Variants in CFAP97D2 observed in about 807,000 individuals in gnomAD.
CFAP97D2 encodes the protein uncharacterized protein CFAP97D2.
Position 114,211,709 on chromosome 13 carries a change from G to A in CFAP97D2, c.291-203G>A, listed in dbSNP as rs1301244918. Among the ~76,000 whole-genome samples, 1 of 152,228 alleles carries A rather than the reference G, an allele frequency of 6.6e-6. No homozygotes were observed. The highest frequency in any genetic ancestry group is 1.5e-5 in the Non-Finnish European group (1 of 68,040). On this transcript the variant is annotated intron_variant, in intron 3 of 4. Coordinates refer to ENST00000646158, the Ensembl canonical transcript of CFAP97D2. This position sits in a 1 kb window ranked among gnomAD's most constrained non-coding sequence, Gnocchi z 4.2. ...CGTGCAAAGCGAGCGCGCCGGGGCT[G>A]AGTGTGCCCTTCGCTCCTCTCTGAG...
intron 4 of CFAP97D2, among the ~76,000 whole-genome samples, chr13:114,216,871 C>A (rs1205587307): frequency 6.6e-6 from 1 of 152,232 alleles, no homozygotes; most frequent in East Asian, 1.9e-4. Context: ...GCCACACTGT[C>A]TTCCACAATG....
chr13:114,180,130 G>A (rs1047073806), intron 1 of CFAP97D2, among the ~76,000 whole-genome samples: 2 of 152,248 alleles, frequency 1.3e-5, no homozygotes, highest in African/African-American at 4.8e-5. Context: ...CACCTCAGTG[G>A]AGGCGTCAGA....
intron 2 of CFAP97D2, among the ~76,000 whole-genome samples, chr13:114,199,278 G>C (rs1393612960): frequency 7.9e-5 from 1 of 12,628 alleles, no homozygotes; most frequent in Non-Finnish European, 1.2e-4. Context: ...CTTCCCCGTG[G>C]GTACGGTCCC....
At chr13:114,181,367 T>C (rs1450125171) in intron 1 of CFAP97D2, among the ~76,000 whole-genome samples, 1 of 151,810 alleles carries the variant, frequency 6.6e-6, no homozygotes, top group Non-Finnish European at 1.5e-5. Context: ...CTGAGGGGCG[T>C]GAGGGTAGGA....
rs2080862383 is a variant in CFAP97D2, at chr13:114,189,615, T to C, written c.91-6781T>C. On this transcript the variant is annotated intron_variant, in intron 1 of 4. Transcript: ENST00000646158. The surrounding 1 kb of genome is among the most constrained non-coding windows in gnomAD (Gnocchi z 4.5). ...TTCGATTAAAAGTGTATAAAAAGTA[T>C]TATATGCCATGACCAAGTGGGATTC... Among the ~76,000 whole-genome samples the C allele has an allele frequency of 6.6e-6, 1 of 152,160 alleles. No homozygotes were observed. Among genetic ancestry groups the C allele is most frequent in the African/African-American group, 2.4e-5 (1 of 41,430 alleles).
At chr13:114,206,093 T>G (rs2080938782) in intron 3 of CFAP97D2, among the ~76,000 whole-genome samples, 1 of 149,954 alleles carries the variant, frequency 6.7e-6, no homozygotes, top group Non-Finnish European at 1.5e-5. Flanking sequence ...ACAGTAGCTT[T>G]TTTTCTTTTC....
At chr13:114,193,015 T>C (rs970077382) in intron 1 of CFAP97D2, among the ~76,000 whole-genome samples, 2 of 152,220 alleles carry the variant, frequency 1.3e-5, no homozygotes, top group Non-Finnish European at 2.9e-5. Flanking sequence ...TCTTAATTAA[T>C]AGAAAAACAC....
chr13:114,182,626 GC>G (rs534343881), intron 1 of CFAP97D2, among the ~76,000 whole-genome samples: 2,328 of 152,290 alleles, frequency 0.015, 33 homozygotes, highest in Non-Finnish European at 0.024. Context: ...AGTGCATTGT[GC>G]CCCTGGTTTA....
At chr13:114,190,409 T>G (rs202221014) in intron 1 of CFAP97D2, among the ~76,000 whole-genome samples, 2 of 37,152 alleles carry the variant, frequency 5.4e-5, no homozygotes, top group Non-Finnish European at 1.0e-4. Context: ...TACCAAATAA[T>G]CAATAAAAAG....
rs190430631 is a variant in CFAP97D2, at chr13:114,212,152, C to T, written c.480+51C>T. 5.8e-4 allele frequency: 230 copies of T among 398,276 alleles called. No homozygotes were observed. In the Middle Eastern group the frequency reaches 6.3e-3, roughly 11 times the overall value. 24.7% of individuals were successfully genotyped at this position (398,276 alleles called of 1,614,324 possible). On this transcript the variant is annotated intron_variant, in intron 4 of 4. Transcript: ENST00000646158. Reference sequence around the variant, plus strand: ...AAATCCATAGCTATTTGAAATTTCCCGTTTTACTTCATCAGATTCATCAGA... The same window carrying T: ...AAATCCATAGCTATTTGAAATTTCCTGTTTTACTTCATCAGATTCATCAGA...
intron 4 of CFAP97D2, among the ~76,000 whole-genome samples, chr13:114,213,404 A>G (rs1429200317): frequency 3.7e-5 from 5 of 135,644 alleles, no homozygotes; most frequent in African/African-American, 2.8e-5. Flanking sequence ...TCCCACCCCT[A>G]TGGAAACTCC....
chr13:114,184,606 A>C (rs191863261), intron 1 of CFAP97D2, among the ~76,000 whole-genome samples: 114 of 152,256 alleles, frequency 7.5e-4, no homozygotes, highest in Admixed American at 5.0e-3. Context: ...GAAGGGAAGC[A>C]AGACCCTAGA....
intron 1 of CFAP97D2, among the ~76,000 whole-genome samples, chr13:114,190,153 G>C (rs117973168): frequency 6.6e-6 from 1 of 151,880 alleles, no homozygotes; most frequent in African/African-American, 2.4e-5. Context: ...AAAAAAAAAG[G>C]AATATCTGAA....
exon 3 of CFAP97D2, chr13:114,200,347 T>C (rs915312159): frequency 4.0e-5 from 16 of 398,522 alleles, no homozygotes; most frequent in Non-Finnish European, 6.2e-5. Flanking sequence ...CGGCTCTCCG[T>C]CATCGAGAGG....
At chr13:114,217,871 T>A (rs1196979084) in intron 4 of CFAP97D2, among the ~76,000 whole-genome samples, 3 of 152,206 alleles carry the variant, frequency 2.0e-5, no homozygotes, top group Non-Finnish European at 4.4e-5. Flanking sequence ...TGATAGGACG[T>A]ATCTCAAAAT....
At chr13:114,188,066 C>G (rs922408155) in intron 1 of CFAP97D2, among the ~76,000 whole-genome samples, 14 of 151,862 alleles carry the variant, frequency 9.2e-5, no homozygotes, top group Admixed American at 2.6e-4. Context: ...ATCACTTGAG[C>G]CCAGGAGCTT....
At chr13:114,191,087 C>G (rs1189726713) in intron 1 of CFAP97D2, among the ~76,000 whole-genome samples, 3 of 151,976 alleles carry the variant, frequency 2.0e-5, no homozygotes, top group Non-Finnish European at 4.4e-5. Flanking sequence ...CAAAATGGAT[C>G]ATAGACATAA....
chr13:114,186,061 C>A lies in CFAP97D2; in HGVS notation c.90+6641C>A, dbSNP rs1031899966. ...ATGGACCAATCAGCATGCACTTCCT[C>A]CACACTGAGGCCCATAAAAACCCTG... On this transcript the variant is annotated intron_variant, in intron 1 of 4. Coordinates refer to ENST00000646158, the Ensembl canonical transcript of CFAP97D2. This position sits in a 1 kb window ranked among gnomAD's most constrained non-coding sequence, Gnocchi z 4.3. Among the ~76,000 whole-genome samples the A allele has an allele frequency of 6.6e-6, 1 of 152,212 alleles. No homozygotes were observed. Among genetic ancestry groups the A allele is most frequent in the Admixed American group, 6.5e-5 (1 of 15,280 alleles).
At chr13:114,216,014 G>A (rs2080991904) in intron 4 of CFAP97D2, among the ~76,000 whole-genome samples, 1 of 152,170 alleles carries the variant, frequency 6.6e-6, no homozygotes, top group Non-Finnish European at 1.5e-5. Context: ...CACATGTCTT[G>A]TTTCTAGGTA....
Sources: gnomAD v4.1 joint callset for allele counts (sites outside exome capture counted in the v4.1 genomes callset) on GRCh38, gnomAD v4.1.1 for gene constraint, Gnocchi (gnomAD v3.1) non-coding constraint, MANE v1.5 for transcripts, NCBI Gene and HGNC (gene_info 2026-07-23, HGNC 2026-07-21) for gene names.